Variants in STK36 observed in about 807,000 individuals in gnomAD.
STK36 encodes the protein serine/threonine-protein kinase 36.
A neutral mutation model predicts 142.2 loss-of-function variants in STK36; 116 were observed. The ratio of observed to expected loss-of-function variants is 0.82; its 90% CI spans 0.70 to 0.95. The LOEUF (loss-of-function observed/expected upper bound fraction) is 0.95. Among genes scored for constraint, STK36 ranks in the 40% least tolerant of loss-of-function variants. The probability of loss-of-function intolerance (pLI) is 0.00; values close to 1 mark genes in which losing one functional copy is unlikely to be tolerated. For synonymous variants in STK36, 619 were observed against 641.7 expected (o/e 0.96, Z 0.53); for missense variants, 1,422 against 1,617.2 (o/e 0.88, Z 2.07).
rs1941476308 is a variant in STK36, at chr2:218,702,491, C to T, written c.*482C>T. 6.5e-6 allele frequency: 1 copy of T among 153,838 alleles called. No individual in the cohort carries two copies. Among genetic ancestry groups the T allele is most frequent in the Non-Finnish European group, 1.4e-5 (1 of 69,338 alleles). The allele number at this position is 153,838 out of a possible 1,614,324, so 9.5% of individuals were successfully genotyped here. On this transcript the variant is annotated 3_prime_UTR_variant, in exon 27 of 27. Coordinates refer to ENST00000295709, the MANE Select transcript of STK36 (RefSeq NM_015690.5). Reference sequence around the variant, plus strand: ...TGTTATTGAGGGATTATCCCTTAGCCAACATTCCTATCTGTGGGTGGGCGT... The same window carrying T: ...TGTTATTGAGGGATTATCCCTTAGCTAACATTCCTATCTGTGGGTGGGCGT...
rs1197427823 is a variant in STK36, at chr2:218,693,879, T to C, written c.2248-16T>C. The C allele has an allele frequency of 1.9e-6, 3 of 1,614,242 alleles. No homozygotes were observed. The highest frequency in any genetic ancestry group is 1.7e-6 in the Non-Finnish European group (2 of 1,180,034). On this transcript the variant is annotated splice_polypyrimidine_tract_variant and intron_variant, in intron 18 of 26. Transcript: ENST00000295709. ...TCAGCCAGAGGTTGTTCTGATATCT[T>C]AGGTTTCCTTTGTAGGTAAAAGTAG...
intron 12 of STK36, 55 bp downstream of exon 12, chr2:218,688,931 T>C: frequency 2.7e-6 from 4 of 1,497,392 alleles, no homozygotes; most frequent in Non-Finnish European, 3.6e-6. Flanking sequence ...TTTCTTGGAT[T>C]TATCTCATTC....
intron 21 of STK36, 147 bp from the exon 22 acceptor site, chr2:218,696,380 G>T: frequency 1.5e-6 from 1 of 659,970 alleles, no homozygotes; most frequent in Non-Finnish European, 2.7e-6. Flanking sequence ...TTCCCCCACC[G>T]AAATGGTTCC....
chr2:218,693,794 A>G lies in STK36; in HGVS notation c.2220A>G (p.Glu740=). ...RLLGQEPLAL[E]SLFMLIQGKV... is the part of the protein sequence containing the mutation. ...TGGGGCAGGAGCCCCTGGCCTTGGAATCCCTGTTTATGTTGATTCAGGGCA... is the reference window on the plus strand; with the variant it reads ...TGGGGCAGGAGCCCCTGGCCTTGGAGTCCCTGTTTATGTTGATTCAGGGCA... The change falls in exon 18 of 27, where the codon GAA becomes GAG. Residue 740 remains glutamate (E), a synonymous_variant. Transcript: ENST00000295709. 1 of 1,614,092 alleles carries G rather than the reference A, an allele frequency of 6.2e-7. No individual in the cohort carries two copies. Among genetic ancestry groups the G allele is most frequent in the Non-Finnish European group, 8.5e-7 (1 of 1,180,044 alleles).
chr2:218,692,610 G>A lies in STK36; in HGVS notation c.1943G>A (p.Arg648Gln), dbSNP rs1026244078. The A allele has an allele frequency of 5.6e-6, 9 of 1,613,278 alleles. No homozygotes were observed. The highest frequency in any genetic ancestry group is 6.8e-6 in the Non-Finnish European group (8 of 1,179,996). ...GCCCCGCAAGTGAGCCAGCCACTGC[G>A]AGAGCAGAGTGAGGATATACCTGGA... ...QGAPQVSQPLREQSEDIPGAI... is the reference protein window; with the variant it reads ...QGAPQVSQPLQEQSEDIPGAI... Residue 648 changes from arginine (R) to glutamine (Q), a missense_variant, in exon 16 of 27, where the codon CGA becomes CAA. By Grantham distance (43) the Arg-to-Gln change is conservative. Around this residue, in one of 2 missense-constraint regions of STK36, gnomAD observed 962 missense variants for 1,167.5 expected, o/e 0.82. Transcript: ENST00000295709.
chr2:218,702,002 G>C lies in STK36; in HGVS notation c.3941G>C (p.Ser1314Thr). 1 of 1,613,820 alleles carries C rather than the reference G, an allele frequency of 6.2e-7. No homozygotes were observed. Among genetic ancestry groups the C allele is most frequent in the African/African-American group, 1.3e-5 (1 of 75,044 alleles). The change falls in exon 27 of 27, where the codon AGC becomes ACC. Residue 1314 changes from serine to threonine, a missense_variant. Physicochemically the swap from Ser to Thr is moderately conservative, Grantham distance 58 (BLOSUM62 1). Around this residue, in one of 2 missense-constraint regions of STK36, gnomAD observed 962 missense variants for 1,167.5 expected, o/e 0.82. Coordinates refer to ENST00000295709, the MANE Select transcript of STK36 (RefSeq NM_015690.5). The stretch of plus-strand genomic sequence containing the variant: ...ATTCACCTCCTGAGGCCAGCCCATA[G>C]CATGTGATTCCAGATTCCTGCGGTC... ...KLIHLLRPAH[S>T]M
At position 218,688,683 on chromosome 2, in the gene STK36, C is replaced by A. The variant is rs760253523; in HGVS notation, c.1381-14C>A. The A allele has an allele frequency of 3.1e-6, 5 of 1,608,022 alleles. No homozygotes were observed. The highest frequency in any genetic ancestry group is 3.4e-6 in the Non-Finnish European group (4 of 1,177,556). ...AAAATATCAATCGTTGCCTCTTTCC[C>A]TCATGTCACCCAGATCCTGAAAGGC... On this transcript the variant is annotated splice_polypyrimidine_tract_variant and intron_variant, in intron 11 of 26. Coordinates refer to ENST00000295709, the MANE Select transcript of STK36 (RefSeq NM_015690.5).
At position 218,680,674 on chromosome 2, in the gene STK36, GCA is replaced by G; in HGVS notation, c.1210_1211del (p.Thr404Ter). The G allele has an allele frequency of 6.2e-7, 1 of 1,613,272 alleles. No homozygotes were observed. ...AGGCCAGAGGTGCTGGGCCAGCGGA[GCA>G]CTGATGTAGTGGACCTGGAAAATGA... is the stretch of plus-strand genomic sequence containing the variant. On this transcript the variant is annotated frameshift_variant, in exon 10 of 27. Coordinates refer to ENST00000295709, the MANE Select transcript of STK36 (RefSeq NM_015690.5). LOFTEE classifies it high-confidence loss of function.
At chr2:218,701,796 C>T (rs907776509) in intron 26 of STK36, 70 bp from the exon 27 acceptor site, 48 of 1,566,872 alleles carry the variant, frequency 3.1e-5, no homozygotes, top group Middle Eastern at 3.4e-4. Flanking sequence ...GAGAGTCCTC[C>T]GCACCTGCCC....
chr2:218,692,321 C>T, intron 15 of STK36, 28 bp downstream of exon 15: 1 of 1,612,560 alleles, frequency 6.2e-7, no homozygotes, highest in Non-Finnish European at 8.5e-7. Flanking sequence ...GGGAGGTTCT[C>T]TTGACTTACT....
intron 26 of STK36, 55 bp from the exon 27 acceptor site, chr2:218,701,811 C>T: frequency 1.3e-6 from 2 of 1,597,690 alleles, no homozygotes; most frequent in Non-Finnish European, 1.7e-6. Context: ...CTGCCCCAGA[C>T]ACCACCATTT....
At position 218,692,588 on chromosome 2, in the gene STK36, C is replaced by T. The variant is rs1941049942; in HGVS notation, c.1921C>T (p.Pro641Ser). The T allele has an allele frequency of 6.2e-7, 1 of 1,611,664 alleles. No individual in the cohort carries two copies. The highest frequency in any genetic ancestry group is 8.5e-7 in the Non-Finnish European group (1 of 1,179,502). ...QLPVHTPQGA[P>S]QVSQPLREQS... ...CTCTTTGCTTTTCTCCACAGGAGCC[C>T]CGCAAGTGAGCCAGCCACTGCGAGA... The change falls in exon 16 of 27, where the codon CCG becomes TCG. Residue 641 changes from proline (P) to serine (S), a missense_variant. Coordinates refer to ENST00000295709, the MANE Select transcript of STK36 (RefSeq NM_015690.5).
At position 218,698,847 on chromosome 2, in the gene STK36, A is replaced by G. The variant is rs757273864; in HGVS notation, c.3303A>G (p.Gln1101=). 1.6e-5 allele frequency: 26 copies of G among 1,614,032 alleles called. No homozygotes were observed. The East Asian group carries it at 2.0e-4, about 12-fold the overall frequency. ...VLSPSHLSFI[Q]ELLAGSDESY... ...CTCCCAGCCACTTGTCCTTTATCCAAGAGCTTCTGGCTGGCTCTGATGAAT... is the reference window on the plus strand; with the variant it reads ...CTCCCAGCCACTTGTCCTTTATCCAGGAGCTTCTGGCTGGCTCTGATGAAT... Residue 1101 remains glutamine, a synonymous_variant, in exon 26 of 27, where the codon CAA becomes CAG. Coordinates refer to ENST00000295709, the MANE Select transcript of STK36 (RefSeq NM_015690.5).
Position 218,697,171 on chromosome 2 carries a change from C to T in STK36, c.2719C>T (p.Pro907Ser). The T allele has an allele frequency of 6.2e-7, 1 of 1,614,120 alleles. No individual in the cohort carries two copies. Among genetic ancestry groups the T allele is most frequent in the Non-Finnish European group, 8.5e-7 (1 of 1,180,004 alleles). ...AQEGELSLSS[P>S]PSPEPDWTLI... ...GGAAGGGGAGCTTTCGCTATCCAGT[C>T]CACCAAGCCCTGAGCCAGACTGGAC... Residue 907 changes from proline (P) to serine (S), a missense_variant, in exon 23 of 27, where the codon CCA becomes TCA. Physicochemically the swap from Pro to Ser is moderately conservative, Grantham distance 74. Coordinates refer to ENST00000295709, the MANE Select transcript of STK36 (RefSeq NM_015690.5).
At chr2:218,696,746 C>T (rs1941247642) in intron 22 of STK36, 145 bp downstream of exon 22, 1 of 983,398 alleles carries the variant, frequency 1.0e-6, no homozygotes, top group African/African-American at 1.6e-5. Flanking sequence ...AACTTCCCCG[C>T]CTGCCCTCAG....
chr2:218,689,752 T>C, intron 12 of STK36, 107 bp from the exon 13 acceptor site: 1 of 962,984 alleles, frequency 1.0e-6, no homozygotes, highest in African/African-American at 1.6e-5. Context: ...TGTCCCTTTC[T>C]GTTTGATCAA....
At chr2:218,699,477 A>C in intron 26 of STK36, 129 bp downstream of exon 26, 1 of 1,352,170 alleles carries the variant, frequency 7.4e-7, no homozygotes, top group Non-Finnish European at 9.8e-7. Flanking sequence ...TCCCAGGGAC[A>C]GTGTCTTGGA....
At chr2:218,673,840 G>T (rs760927578) in intron 3 of STK36, 39 bp from the exon 4 acceptor site, 1 of 1,614,104 alleles carries the variant, frequency 6.2e-7, no homozygotes, top group Admixed American at 1.7e-5. Flanking sequence ...CAGAATGCAT[G>T]AATCTGGAGC....
At chr2:218,691,795 T>G (rs1337548006) in intron 14 of STK36, among the ~76,000 whole-genome samples, 1 of 152,168 alleles carries the variant, frequency 6.6e-6, no homozygotes, top group African/African-American at 2.4e-5. Flanking sequence ...TGAGCTCAAG[T>G]GATCCACCTG....
Sources: gnomAD v4.1 joint callset for allele counts (sites outside exome capture counted in the v4.1 genomes callset) on GRCh38, gnomAD v4.1.1 for gene constraint, gnomAD v4.1.1 regional missense constraint, MANE v1.5 for transcripts, NCBI Gene and HGNC (gene_info 2026-07-23, HGNC 2026-07-21) for gene names.